Variants in PRUNE2 observed in about 807,000 individuals in gnomAD.
PRUNE2 encodes protein prune homolog 2.
PRUNE2 carries 164 observed loss-of-function variants against 252.0 expected under a neutral mutation model. The ratio of observed to expected loss-of-function variants is 0.65; its 90% CI spans 0.57 to 0.74. PRUNE2 has a LOEUF of 0.74. PRUNE2 is among the 30% of genes least tolerant of loss of function. The pLI is 0.00. For missense variants in PRUNE2, 3,495 were observed against 3,711.0 expected (o/e 0.94, Z 1.51); for synonymous variants, 1,292 against 1,350.2 (o/e 0.96, Z 0.94).
chr9:76,844,391 G>C (rs2059560636), intron 4 of PRUNE2, among the ~76,000 whole-genome samples: 1 of 152,144 alleles, frequency 6.6e-6, no homozygotes, highest in South Asian at 2.1e-4. Flanking sequence ...TCATATGCCA[G>C]CTCCTCCTTT....
At chr9:76,651,676 A>T (rs1009426071) in intron 11 of PRUNE2, among the ~76,000 whole-genome samples, 2 of 152,190 alleles carry the variant, frequency 1.3e-5, no homozygotes, top group African/African-American at 4.8e-5. Flanking sequence ...GAAAGAACTA[A>T]AGAAAGACTG....
chr9:76,743,051 T>C (rs1459432997), intron 6 of PRUNE2, among the ~76,000 whole-genome samples: 1 of 152,218 alleles, frequency 6.6e-6, no homozygotes, highest in Non-Finnish European at 1.5e-5. Context: ...TGAGATCTGA[T>C]GGTTTTATAA....
chr9:76,804,733 T>A (rs1017785017), intron 6 of PRUNE2, among the ~76,000 whole-genome samples: 3 of 152,328 alleles, frequency 2.0e-5, no homozygotes, highest in Non-Finnish European at 2.9e-5. Flanking sequence ...TGCTTGTTCC[T>A]ACATTTCCTT....
chr9:76,837,249 C>T (rs1252088542), intron 4 of PRUNE2, among the ~76,000 whole-genome samples: 2 of 152,034 alleles, frequency 1.3e-5, no homozygotes, highest in Non-Finnish European at 1.5e-5. Flanking sequence ...TGAGACCATC[C>T]TGGCCAACAT....
chr9:76,676,316 C>G (rs2042578702), intron 9 of PRUNE2, among the ~76,000 whole-genome samples: 1 of 145,888 alleles, frequency 6.9e-6, no homozygotes, highest in Non-Finnish European at 1.5e-5. Context: ...AAATGCCTAT[C>G]AGTAAGGGAA....
chr9:76,779,570 T>A (rs187198125), intron 6 of PRUNE2: 1 of 152,192 alleles, frequency 6.6e-6, no homozygotes, highest in African/African-American at 2.4e-5. Flanking sequence ...AGGACAGCAT[T>A]GTGGCTTGGA....
chr9:76,753,828 G>T (rs2050852513), intron 6 of PRUNE2, among the ~76,000 whole-genome samples: 2 of 151,710 alleles, frequency 1.3e-5, no homozygotes, highest in Non-Finnish European at 2.9e-5. Flanking sequence ...TGAGGCAGGA[G>T]AATGGCGTGA....
At chr9:76,788,376 C>T (rs766143243) in intron 6 of PRUNE2, 3 of 753,472 alleles carry the variant, frequency 4.0e-6, no homozygotes, top group South Asian at 2.8e-5. Flanking sequence ...ATATACTGGA[C>T]ATTAAACTCA....
At chr9:76,837,440 C>CT (rs2059065791) in intron 4 of PRUNE2, among the ~76,000 whole-genome samples, 4 of 19,128 alleles carry the variant, frequency 2.1e-4, no homozygotes, top group Non-Finnish European at 3.0e-4. Flanking sequence ...GACTCTGTCT[C>CT]AAATAATAAT....
intron 4 of PRUNE2, among the ~76,000 whole-genome samples, chr9:76,831,732 G>C (rs1340307067): frequency 6.6e-6 from 1 of 151,886 alleles, no homozygotes; most frequent in Non-Finnish European, 1.5e-5. Flanking sequence ...GTGACAAGTA[G>C]GAAACAAACA....
rs1372284504 is a variant in PRUNE2, at chr9:76,707,314, C to G, written c.4960G>C (p.Glu1654Gln). Residue 1654 changes from glutamate to glutamine, a missense_variant, in exon 8 of 19, where the codon GAA becomes CAA. By Grantham distance (29) the Glu-to-Gln change is conservative. Transcript: ENST00000376718. Reference protein sequence around the residue: ...KYSEHSGTHQESNLIASYQEK... With the variant: ...KYSEHSGTHQQSNLIASYQEK... ...TGGTAGCTAGCAATTAGATTGCTTT[C>G]CTGATGTGTCCCTGAATGTTCAGAA... is the stretch of plus-strand genomic sequence containing the variant. 1.9e-6 allele frequency: 3 copies of G among 1,613,772 alleles called. No individual in the cohort carries two copies. The highest frequency in any genetic ancestry group is 2.5e-6 in the Non-Finnish European group (3 of 1,179,856).
chr9:76,737,691 A>G (rs1014742809), intron 6 of PRUNE2: 1 of 152,210 alleles, frequency 6.6e-6, no homozygotes, highest in Non-Finnish European at 1.5e-5. Context: ...TTTCTCTTCC[A>G]TGCACTCATT....
chr9:76,709,218 G>C lies in PRUNE2; in HGVS notation c.3056C>G (p.Ser1019Cys). 1.5e-6 allele frequency: 1 copy of C among 688,692 alleles called. No individual in the cohort carries two copies. The highest frequency in any genetic ancestry group is 2.2e-6 in the Non-Finnish European group (1 of 452,802). 42.7% of individuals were successfully genotyped at this position (688,692 alleles called of 1,614,324 possible). The change falls in exon 8 of 19, where the codon TCT becomes TGT. Residue 1019 changes from serine to cysteine, a missense_variant. Coordinates refer to ENST00000376718, the MANE Select transcript of PRUNE2 (RefSeq NM_015225.3). ...DIPPQSLQQS[S>C]RNRISSGPGN... The stretch of plus-strand genomic sequence containing the variant: ...AGGACCTGAACTGATTCGATTTCGA[G>C]ATGACTGTTGCAGTGACTGAGGAGG...
chr9:76,846,448 T>C, intron 4 of PRUNE2, 67 bp downstream of exon 4: 2 of 1,386,220 alleles, frequency 1.4e-6, no homozygotes, highest in Non-Finnish European at 2.0e-6. Flanking sequence ...GCATTCTTTC[T>C]ACATGAGCAG....
intron 1 of PRUNE2, among the ~76,000 whole-genome samples, chr9:76,882,832 C>T (rs1388488558): frequency 4.6e-5 from 7 of 152,124 alleles, no homozygotes; most frequent in East Asian, 1.9e-4. Flanking sequence ...AACCAGGTCA[C>T]GCATGGAGGT....
intron 16 of PRUNE2, among the ~76,000 whole-genome samples, chr9:76,625,292 T>C (rs1834191676): frequency 6.6e-6 from 1 of 152,192 alleles, no homozygotes. Flanking sequence ...CACAAATACT[T>C]ACCATGGTGT....
intron 1 of PRUNE2, among the ~76,000 whole-genome samples, chr9:76,898,160 G>T (rs1308358218): frequency 2.0e-5 from 3 of 152,244 alleles, no homozygotes; most frequent in African/African-American, 7.2e-5. Flanking sequence ...TAGCCGCCCG[G>T]CTGTACTGCC....
Position 76,709,371 on chromosome 9 carries a change from G to A in PRUNE2, c.2903C>T (p.Ser968Phe). The A allele has an allele frequency of 6.2e-7, 1 of 1,613,986 alleles. No individual in the cohort carries two copies. Among genetic ancestry groups the A allele is most frequent in the African/African-American group, 1.3e-5 (1 of 75,032 alleles). The change falls in exon 8 of 19, where the codon TCC becomes TTC. Residue 968 changes from serine (S) to phenylalanine (F), a missense_variant. By Grantham distance (155) the Ser-to-Phe change is radical (BLOSUM62 -2). Coordinates refer to ENST00000376718, the MANE Select transcript of PRUNE2 (RefSeq NM_015225.3). The part of the protein sequence containing the change: ...SVPSPLDTNY[S>F]TSDSYTSPTF... ...TGGTGATGTGTAAGAGTCTGAGGTG[G>A]AATAATTGGTATCTAAGGGGGAAGG...
chr9:76,883,352 G>C (rs941863810), intron 1 of PRUNE2, among the ~76,000 whole-genome samples: 3 of 152,060 alleles, frequency 2.0e-5, no homozygotes, highest in African/African-American at 7.2e-5. Context: ...ATAAGCTGAG[G>C]GATTGATTAC....
Sources: allele counts gnomAD v4.1 joint callset (sites outside exome capture counted in the v4.1 genomes callset), GRCh38; gene constraint gnomAD v4.1.1; transcripts MANE v1.5; gene names NCBI Gene and HGNC (gene_info 2026-07-23, HGNC 2026-07-21).